PIK3C3: variants seen among roughly 807,000 people sequenced by gnomAD.
The protein encoded by PIK3C3 is phosphatidylinositol 3-kinase catalytic subunit type 3.
In PIK3C3, 95 loss-of-function variants were observed where a neutral mutation model predicts 126.1. That is an observed-to-expected ratio of 0.75 (90% CI 0.64 to 0.89). The LOEUF (loss-of-function observed/expected upper bound fraction) is 0.89, where lower values mean the gene tolerates loss of function less well. Ranked by LOEUF, PIK3C3 falls within the 40% of genes least tolerant of loss-of-function variation. The pLI is 0.00. For missense variants in PIK3C3, 829 were observed against 1,063.2 expected (o/e 0.78, Z 3.06); for synonymous variants, 374 against 360.0 (o/e 1.04, Z -0.44).
rs1277886028 is a variant in PIK3C3 at position 41,987,910 on chromosome 18, C to T, written c.618+12C>T. 7.1e-7 allele frequency: 1 copy of T among 1,417,888 alleles called. No homozygotes were observed. The highest frequency in any genetic ancestry group is 9.7e-7 in the Non-Finnish European group (1 of 1,027,220). 87.8% of individuals were successfully genotyped at this position (1,417,888 alleles called of 1,614,324 possible). ...AAATGATAAATGAGGTGGGTTATAT[C>T]ACTCTTTTATTTTAAAATATTTTCT... On this transcript the variant is annotated intron_variant, in intron 5 of 24. Coordinates refer to ENST00000262039, the MANE Select transcript of PIK3C3 (RefSeq NM_002647.4).
At chr18:42,004,308 T>C in intron 9 of PIK3C3, 48 bp from the exon 10 acceptor site, 1 of 1,456,438 alleles carries the variant, frequency 6.9e-7, no homozygotes, top group Non-Finnish European at 9.5e-7. Flanking sequence ...AACTTCTCTA[T>C]CCCAGGAAAT....
intron 21 of PIK3C3, among the ~76,000 whole-genome samples, chr18:42,051,971 T>TAAG (rs1277356020): frequency 2.0e-5 from 3 of 150,388 alleles, no homozygotes; most frequent in Non-Finnish European, 1.5e-5. Context: ...ACTTAAAGTA[T>TAAG]AATAATAATA....
intron 21 of PIK3C3, chr18:42,049,819 C>T (rs1984718399): frequency 5.3e-6 from 2 of 376,430 alleles, no homozygotes; most frequent in Admixed American, 4.1e-5. Flanking sequence ...ACTAAACACA[C>T]AAAATTTGCC....
At chr18:42,010,415 G>T (rs1329470087) in intron 10 of PIK3C3, among the ~76,000 whole-genome samples, 1 of 152,110 alleles carries the variant, frequency 6.6e-6, no homozygotes, top group Non-Finnish European at 1.5e-5. Flanking sequence ...GCCCAGGCTG[G>T]AGTGCAGTGG....
intron 13 of PIK3C3, among the ~76,000 whole-genome samples, chr18:42,021,751 T>C (rs971401406): frequency 4.6e-5 from 7 of 152,152 alleles, no homozygotes; most frequent in Non-Finnish European, 2.9e-5. Flanking sequence ...TCTGAAATGC[T>C]CCAAAATCCA....
chr18:41,999,495 T>A (rs1395985078), intron 9 of PIK3C3, among the ~76,000 whole-genome samples: 1 of 152,148 alleles, frequency 6.6e-6, no homozygotes. Context: ...AATCATCATA[T>A]TTGTGTCTCC....
chr18:41,990,740 A>G, intron 6 of PIK3C3, 186 bp downstream of exon 6: 1 of 517,228 alleles, frequency 1.9e-6, no homozygotes, highest in Non-Finnish European at 3.4e-6. Flanking sequence ...AAAGCCTATC[A>G]CTCATGTAAT....
At position 42,029,388 on chromosome 18, in the gene PIK3C3, T is replaced by G; in HGVS notation, c.1654T>G (p.Leu552Val). The G allele has an allele frequency of 6.2e-7, 1 of 1,613,770 alleles. No individual in the cohort carries two copies. Among genetic ancestry groups the G allele is most frequent in the East Asian group, 2.2e-5 (1 of 44,850 alleles). ...TGCACAACAGACATTTGTAGATCGG[T>G]TGGTGCATCTAATGAAGGCAGTACA... ...LAAQQTFVDR[L>V]VHLMKAVQRE... is the part of the protein sequence containing the mutation. Residue 552 changes from leucine to valine, a missense_variant, in exon 15 of 25, where the codon TTG (leucine) becomes GTG (valine). Leu to Val is a conservative substitution (Grantham distance 32). Transcript: ENST00000262039.
In PIK3C3 at chr18:42,067,416, C is replaced by G. The variant is rs1306170227; in HGVS notation, c.2552C>G (p.Ser851Trp). ...KVQDKFRLDL[S>W]DEEAVHYMQS... ...CAGGATAAATTCCGCTTAGACCTGT[C>G]GGATGAAGAGGCTGTGCATTACATG... The change falls in exon 24 of 25, where the codon TCG becomes TGG. Residue 851 changes from serine (S) to tryptophan (W), a missense_variant. This residue lies in a region of PIK3C3 where 196 missense variants were observed against 312.8 expected (regional missense o/e 0.63). Coordinates refer to ENST00000262039, the MANE Select transcript of PIK3C3 (RefSeq NM_002647.4). 1 of 1,613,894 alleles carries G rather than the reference C, an allele frequency of 6.2e-7. No individual in the cohort carries two copies. Among genetic ancestry groups the G allele is most frequent in the South Asian group, 1.1e-5 (1 of 91,066 alleles).
chr18:41,995,180 G>A (rs1383072038), intron 7 of PIK3C3, among the ~76,000 whole-genome samples: 3 of 151,928 alleles, frequency 2.0e-5, no homozygotes, highest in African/African-American at 7.3e-5. Flanking sequence ...GACCAACAAA[G>A]CCAAAAGACA....
intron 9 of PIK3C3, among the ~76,000 whole-genome samples, chr18:41,997,814 G>A (rs190823091): frequency 2.8e-4 from 43 of 152,108 alleles, no homozygotes; most frequent in Admixed American, 1.1e-3. Flanking sequence ...TTGCATCTAC[G>A]AATTAGAAGA....
chr18:41,965,694 C>T (rs369351969), intron 3 of PIK3C3, among the ~76,000 whole-genome samples: 5 of 152,156 alleles, frequency 3.3e-5, no homozygotes, highest in East Asian at 1.9e-4. Context: ...ATGACTTACA[C>T]GTGCATTCAT....
At chr18:41,982,781 A>G (rs1462863826) in intron 4 of PIK3C3, among the ~76,000 whole-genome samples, 1 of 152,198 alleles carries the variant, frequency 6.6e-6, no homozygotes, top group Non-Finnish European at 1.5e-5. Flanking sequence ...ATAGATGAAT[A>G]TGTGAACATT....
At chr18:41,985,155 A>G (rs763457844) in intron 4 of PIK3C3, 2 of 152,192 alleles carry the variant, frequency 1.3e-5, no homozygotes, top group Non-Finnish European at 2.9e-5. Flanking sequence ...CCCAATGAAT[A>G]CAATATTATG....
chr18:42,019,665 G>A (rs1983235494), intron 12 of PIK3C3, among the ~76,000 whole-genome samples: 3 of 151,876 alleles, frequency 2.0e-5, no homozygotes, highest in Non-Finnish European at 2.9e-5. Context: ...TGATACTCTT[G>A]TCCTAGGTTG....
intron 17 of PIK3C3, among the ~76,000 whole-genome samples, chr18:42,038,487 A>G (rs565615927): frequency 1.4e-4 from 22 of 151,866 alleles, no homozygotes; most frequent in Non-Finnish European, 2.2e-4. Flanking sequence ...GACTACAGGC[A>G]TGCACCACCA....
chr18:42,026,785 T>A (rs1243957033), intron 13 of PIK3C3: 1 of 152,202 alleles, frequency 6.6e-6, no homozygotes, highest in Admixed American at 6.5e-5. Context: ...AAACACTGGA[T>A]TAGAAGACCT....
At position 41,955,352 on chromosome 18, in the gene PIK3C3, C is replaced by A; in HGVS notation, c.61C>A (p.Leu21Ile). Residue 21 changes from leucine to isoleucine, a missense_variant, in exon 1 of 25, where the codon CTT becomes ATT. Leu to Ile is a conservative substitution (Grantham distance 5). Transcript: ENST00000262039. ...YSCDLDINVQ[L>I]KIGSLEGKRE... is the part of the protein sequence containing the mutation. Reference sequence around the variant, plus strand: ...TTGTGACCTGGATATCAACGTCCAGCTTAAGATGTAAGAGAACACTCGGGA... The same window carrying A: ...TTGTGACCTGGATATCAACGTCCAGATTAAGATGTAAGAGAACACTCGGGA... The A allele has an allele frequency of 1.9e-6, 3 of 1,613,044 alleles. No individual in the cohort carries two copies. Among genetic ancestry groups the A allele is most frequent in the Non-Finnish European group, 2.5e-6 (3 of 1,179,308 alleles).
chr18:41,965,915 A>G (rs956430240), intron 3 of PIK3C3, among the ~76,000 whole-genome samples: 1 of 152,202 alleles, frequency 6.6e-6, no homozygotes, highest in Non-Finnish European at 1.5e-5. Flanking sequence ...GTGGTTACTT[A>G]AATTTGTTTT....
Sources: allele counts gnomAD v4.1 joint callset (sites outside exome capture counted in the v4.1 genomes callset), GRCh38; gene constraint gnomAD v4.1.1; regional missense constraint gnomAD v4.1.1; transcripts MANE v1.5; gene names NCBI Gene and HGNC (gene_info 2026-07-23, HGNC 2026-07-21).